Variants in TAOK2 observed in about 807,000 individuals in gnomAD.
The protein encoded by TAOK2 is TAO kinase 2, also known as serine/threonine-protein kinase TAO2.
In TAOK2, 42 loss-of-function variants were observed where a neutral mutation model predicts 122.5. The ratio of observed to expected loss-of-function variants is 0.34; its 90% CI spans 0.27 to 0.44. The LOEUF (loss-of-function observed/expected upper bound fraction) is 0.44. Ranked by LOEUF, TAOK2 falls within the 20% of genes least tolerant of loss-of-function variation. The pLI, the probability that TAOK2 is intolerant of heterozygous loss-of-function variation, is 1.00. For synonymous variants in TAOK2, 704 were observed against 677.6 expected (o/e 1.04, Z -0.61); for missense variants, 1,264 against 1,644.9 (o/e 0.77, Z 4.01).
intron 13 of TAOK2, among the ~76,000 whole-genome samples, chr16:29,984,038 C>G (rs2069704898): frequency 6.6e-6 from 1 of 152,036 alleles, no homozygotes; most frequent in African/African-American, 2.4e-5. Flanking sequence ...CTGGGGGTGT[C>G]CAGTGCTGGG....
At chr16:29,982,649 G>A in intron 10 of TAOK2, 85 bp from the exon 11 acceptor site, 2 of 1,521,124 alleles carry the variant, frequency 1.3e-6, no homozygotes, top group Non-Finnish European at 1.8e-6. Flanking sequence ...CCAGAAGAGT[G>A]CCTCAGGCCT....
chr16:29,985,326 G>A lies in TAOK2; in HGVS notation c.1536G>A (p.Arg512=). 4.3e-6 allele frequency: 7 copies of A among 1,611,188 alleles called. No homozygotes were observed. The highest frequency in any genetic ancestry group is 5.9e-6 in the Non-Finnish European group (7 of 1,178,172). Residue 512 remains arginine, a synonymous_variant, in exon 14 of 16, where the codon CGG becomes CGA. Coordinates refer to ENST00000308893, the MANE Select transcript of TAOK2 (RefSeq NM_016151.4). This position sits in a 1 kb window ranked among gnomAD's most constrained non-coding sequence, Gnocchi z 6.9. ...AGCAGCTGCTGGCCCTGGAGTCACG[G>A]CTGAGGGGTGAACGGGAGGAGCACA... ...HQKQLLALES[R]LRGEREEHSA... is the part of the protein sequence containing the mutation.
At chr16:29,980,300 G>T (rs1329337534) in intron 8 of TAOK2, 2 of 152,192 alleles carry the variant, frequency 1.3e-5, no homozygotes. Context: ...CCTAAGAGTT[G>T]CTGTTAGTTT....
chr16:29,989,687 C>T (rs376158892), downstream of TAOK2: 12 of 1,613,984 alleles, frequency 7.4e-6, no homozygotes, highest in Middle Eastern at 1.6e-4. Flanking sequence ...CTGGAGACCA[C>T]GCCCAAAGCT....
Position 29,977,751 on chromosome 16 carries a change from C to G in TAOK2, c.-22C>G, listed in dbSNP as rs765825940. 1.9e-6 allele frequency: 3 copies of G among 1,613,558 alleles called. No individual in the cohort carries two copies. The Admixed American group carries it at 5.0e-5, about 27-fold the overall frequency. ...TCCATTCCTCAGGCCAGGCCCCACT[C>G]TCAGGGCCCCCAGGGGCCACCATGC... On this transcript the variant is annotated 5_prime_UTR_variant, in exon 2 of 16. Transcript: ENST00000308893.
In TAOK2 at chr16:29,987,001, C is replaced by T. The variant is rs778268053; in HGVS notation, c.2729C>T (p.Pro910Leu). The stretch of plus-strand genomic sequence containing the variant: ...GAGGAAGAAGAGGAAGAGGGGGCTC[C>T]GATTGGGACCCCTAGGGATCCTGGA... The part of the protein sequence containing the change: ...EEEEEEEEGA[P>L]IGTPRDPGDG... The change falls in exon 16 of 16, where the codon CCG becomes CTG. Residue 910 changes from proline to leucine, a missense_variant. Pro to Leu is a moderately conservative substitution (Grantham distance 98). Around this residue, in one of 4 missense-constraint regions of TAOK2, gnomAD observed 824 missense variants for 908.7 expected, o/e 0.91. Transcript: ENST00000308893. 5.0e-6 allele frequency: 8 copies of T among 1,612,844 alleles called. No homozygotes were observed. Among genetic ancestry groups the T allele is most frequent in the African/African-American group, 1.3e-5 (1 of 74,858 alleles).
chr16:29,991,147 G>A, downstream of TAOK2: 2 of 1,610,814 alleles, frequency 1.2e-6, no homozygotes, highest in South Asian at 1.1e-5. This position sits in a 1 kb window ranked among gnomAD's most constrained non-coding sequence, Gnocchi z 5.6. Context: ...GATGCGGAAA[G>A]CATGAGGCTG....
In TAOK2 at chr16:29,979,475, G is replaced by A. The variant is rs375334553; in HGVS notation, c.622G>A (p.Val208Ile). The part of the protein sequence containing the change: ...DEGQYDGKVD[V>I]WSLGITCIEL... ...GGGGCAGTACGATGGCAAAGTGGAC[G>A]TCTGGTCCTTGGGGATAACCTGCAT... The change falls in exon 8 of 16, where the codon GTC becomes ATC. Residue 208 changes from valine to isoleucine, a missense_variant. Coordinates refer to ENST00000308893, the MANE Select transcript of TAOK2 (RefSeq NM_016151.4). The surrounding 1 kb of genome is among the most constrained non-coding windows in gnomAD (Gnocchi z 4.1). The A allele has an allele frequency of 3.8e-5, 59 of 1,566,226 alleles. No homozygotes were observed. The highest frequency in any genetic ancestry group is 2.3e-4 in the East Asian group (10 of 44,400).
Position 29,978,847 on chromosome 16 carries a change from A to G in TAOK2, c.352+3A>G. Reference sequence around the variant, plus strand: ...CTCAGCTTCTGACCTTCTAGAAGGTAAGTGACTGATAGGCCAATAAGTGGA... The same window carrying G: ...CTCAGCTTCTGACCTTCTAGAAGGTGAGTGACTGATAGGCCAATAAGTGGA... On this transcript the variant is annotated splice_donor_region_variant and intron_variant, in intron 5 of 15. Coordinates refer to ENST00000308893, the MANE Select transcript of TAOK2 (RefSeq NM_016151.4). 4 of 1,614,118 alleles carry G rather than the reference A, an allele frequency of 2.5e-6. No individual in the cohort carries two copies. The highest frequency in any genetic ancestry group is 3.4e-6 in the Non-Finnish European group (4 of 1,179,982).
In TAOK2 at chr16:29,985,084, T is replaced by C; in HGVS notation, c.1423-129T>C. 1 of 1,209,886 alleles carries C rather than the reference T, an allele frequency of 8.3e-7. No individual in the cohort carries two copies. The highest frequency in any genetic ancestry group is 1.1e-6 in the Non-Finnish European group (1 of 919,712). The allele number at this position is 1,209,886 out of a possible 1,614,324, so 74.9% of individuals were successfully genotyped here. On this transcript the variant is annotated intron_variant, in intron 13 of 15. Transcript: ENST00000308893. This position sits in a 1 kb window ranked among gnomAD's most constrained non-coding sequence, Gnocchi z 6.9. ...GGAAACAGGCTAGAGTGGCCGTGTGTGAGGAAGGTGTTAAATGAGAATGAA... is the reference window on the plus strand; with the variant it reads ...GGAAACAGGCTAGAGTGGCCGTGTGCGAGGAAGGTGTTAAATGAGAATGAA...
At chr16:29,989,569 C>G (rs913699826), downstream of TAOK2, 1 of 1,613,352 alleles carries the variant, frequency 6.2e-7, no homozygotes, top group South Asian at 1.1e-5. Context: ...GCCCCCATCT[C>G]CCCTTGATCC....
intron 1 of TAOK2, among the ~76,000 whole-genome samples, chr16:29,977,136 A>C (rs562671604): frequency 6.6e-6 from 1 of 152,318 alleles, no homozygotes; most frequent in East Asian, 1.9e-4. Context: ...TCATAGCCAG[A>C]TGCCATTTAT....
At chr16:29,976,353 C>T (rs1474171891) in intron 1 of TAOK2, among the ~76,000 whole-genome samples, 2 of 152,216 alleles carry the variant, frequency 1.3e-5, no homozygotes, top group African/African-American at 2.4e-5. Flanking sequence ...CTATTCTGAG[C>T]CCTCTGCACC....
chr16:29,983,077 C>T lies in TAOK2; in HGVS notation c.1005C>T (p.Ala335=), dbSNP rs55903157. ...GAEAPEEEEE[A]EPYMHRAGTL... Reference sequence around the variant, plus strand: ...AGCCTACGCCCTGTTCGCAGGAGGCCGAGCCCTACATGCACCGGGCCGGGA... The same window carrying T: ...AGCCTACGCCCTGTTCGCAGGAGGCTGAGCCCTACATGCACCGGGCCGGGA... The change falls in exon 12 of 16, where the codon GCC becomes GCT. Residue 335 remains alanine (A), a synonymous_variant. Transcript: ENST00000308893. The T allele has an allele frequency of 0.021, 34,196 of 1,613,928 alleles. 494 individuals carry two copies. The highest frequency in any genetic ancestry group is 0.026 in the Non-Finnish European group (30,728 of 1,180,004).
chr16:29,987,567 G>C lies in TAOK2; in HGVS notation c.3295G>C (p.Ala1099Pro). The change falls in exon 16 of 16, where the codon GCC (alanine) becomes CCC (proline). Residue 1099 changes from alanine (A) to proline (P), a missense_variant. Around this residue, in one of 4 missense-constraint regions of TAOK2, gnomAD observed 824 missense variants for 908.7 expected, o/e 0.91. Transcript: ENST00000308893. ...LLRLSPMAFR[A>P]LQGCGAVGDR... Reference sequence around the variant, plus strand: ...GCGCCTGTCACCCATGGCCTTCCGGGCCCTGCAGGGCTGTGGGGCTGTGGG... The same window carrying C: ...GCGCCTGTCACCCATGGCCTTCCGGCCCCTGCAGGGCTGTGGGGCTGTGGG... The C allele has an allele frequency of 6.2e-7, 1 of 1,612,716 alleles. No homozygotes were observed. Among genetic ancestry groups the C allele is most frequent in the Non-Finnish European group, 8.5e-7 (1 of 1,179,124 alleles).
Position 29,987,890 on chromosome 16 carries a change from G to T in TAOK2, c.3618G>T (p.Gly1206=). The change falls in exon 16 of 16, where the codon GGG becomes GGT. Residue 1206 remains glycine, a synonymous_variant. Transcript: ENST00000308893. ...RLLPRSQRQL[G]PPASRQPLPG... ...TACCACGCAGCCAGCGCCAGCTAGG[G>T]CCCCCTGCCTCCCGCCAGCCACTGC... is the stretch of plus-strand genomic sequence containing the variant. The T allele has an allele frequency of 6.3e-7, 1 of 1,596,144 alleles. No individual in the cohort carries two copies. The highest frequency in any genetic ancestry group is 8.5e-7 in the Non-Finnish European group (1 of 1,175,052).
At position 29,983,188 on chromosome 16, in the gene TAOK2, A is replaced by G. The variant is rs747791241; in HGVS notation, c.1116A>G (p.Ala372=). The change falls in exon 12 of 16, where the codon GCA becomes GCG. Residue 372 remains alanine, a synonymous_variant. Coordinates refer to ENST00000308893, the MANE Select transcript of TAOK2 (RefSeq NM_016151.4). ...AGAGCAGCTCCGTCAACAGCCTAGC[A>G]GATGCCTCAGACAACGAGGAAGAGG... The part of the protein sequence containing the change: ...SSQSSSVNSL[A]DASDNEEEEE... 4 of 1,614,076 alleles carry G rather than the reference A, an allele frequency of 2.5e-6. No homozygotes were observed. The highest frequency in any genetic ancestry group is 3.4e-6 in the Non-Finnish European group (4 of 1,180,008).
intron 1 of TAOK2, 139 bp from the exon 2 acceptor site, chr16:29,977,599 A>G: frequency 2.5e-6 from 2 of 809,812 alleles, no homozygotes; most frequent in Admixed American, 3.0e-5. Flanking sequence ...TGTTGTTCCT[A>G]ATCTCCCCCT....
chr16:29,986,140 G>C lies in TAOK2; in HGVS notation c.1993-125G>C. 2 of 1,420,332 alleles carry C rather than the reference G, an allele frequency of 1.4e-6. No homozygotes were observed. Among genetic ancestry groups the C allele is most frequent in the Non-Finnish European group, 1.9e-6 (2 of 1,053,022 alleles). 88.0% of individuals were successfully genotyped at this position (1,420,332 alleles called of 1,614,324 possible). ...AGGAGCCCTGGCCCCTCACTTCCTT[G>C]ATACTGACCAGGCCCTGGGCCCTGT... is the stretch of plus-strand genomic sequence containing the variant. On this transcript the variant is annotated intron_variant, in intron 15 of 15. Coordinates refer to ENST00000308893, the MANE Select transcript of TAOK2 (RefSeq NM_016151.4). The surrounding 1 kb of genome is among the most constrained non-coding windows in gnomAD (Gnocchi z 4.2).
Sources: allele counts gnomAD v4.1 joint callset (sites outside exome capture counted in the v4.1 genomes callset), GRCh38; gene constraint gnomAD v4.1.1; regional missense constraint gnomAD v4.1.1; non-coding constraint Gnocchi (gnomAD v3.1); transcripts MANE v1.5; gene names NCBI Gene and HGNC (gene_info 2026-07-23, HGNC 2026-07-21).